SAXO4: variants seen among roughly 807,000 people sequenced by gnomAD.
SAXO4 encodes the protein protein phosphatase 1 regulatory subunit 32.
At chr11:61,490,903 A>C in the SAXO4 span, 1 of 370,464 alleles carries the variant, frequency 2.7e-6, no homozygotes. Context: ...CTACTTTCCT[A>C]ATGAAATAAA....
At chr11:61,486,479 G>A in the SAXO4 span, 10 of 1,611,522 alleles carry the variant, frequency 6.2e-6, no homozygotes, top group East Asian at 2.2e-5. Flanking sequence ...GGTGGTGGGG[G>A]AGGCAGCCAC....
the SAXO4 span, chr11:61,481,803 C>T: frequency 1.3e-6 from 2 of 1,499,844 alleles, no homozygotes; most frequent in East Asian, 5.3e-5. Flanking sequence ...CCCTGCCCCA[C>T]AGCATCATGA....
the SAXO4 span, chr11:61,482,503 C>T: frequency 6.4e-7 from 1 of 1,564,740 alleles, no homozygotes; most frequent in Non-Finnish European, 8.8e-7. Context: ...GATGGGGACC[C>T]TGAGCTTTGC....
the SAXO4 span, chr11:61,481,182 C>G: frequency 3.9e-5 from 6 of 152,212 alleles, no homozygotes; most frequent in Admixed American, 3.3e-4. Context: ...CTTCCTGCAG[C>G]CTCTCCCCGA....
At chr11:61,486,892 C>A in the SAXO4 span, 2 of 1,455,124 alleles carry the variant, frequency 1.4e-6, no homozygotes, top group South Asian at 1.1e-5. Context: ...CTCTCCATCC[C>A]TGCTGCCTCA....
At chr11:61,490,049 CTA>C in the SAXO4 span, 1 of 1,167,554 alleles carries the variant, frequency 8.6e-7, no homozygotes, top group African/African-American at 1.5e-5. Context: ...CGGTTCATTC[CTA>C]TGAGAGGCCC....
the SAXO4 span, among the ~76,000 whole-genome samples, chr11:61,487,470 T>C: frequency 6.6e-6 from 1 of 152,074 alleles, no homozygotes. Context: ...ATAATGAGCA[T>C]GTTACTAGGC....
the SAXO4 span, among the ~76,000 whole-genome samples, chr11:61,487,577 C>T: frequency 3.3e-5 from 5 of 152,186 alleles, no homozygotes; most frequent in African/African-American, 1.2e-4. Context: ...TTTATACCCC[C>T]ACATCCATCG....
chr11:61,482,033 C>T, the SAXO4 span: 7 of 772,390 alleles, frequency 9.1e-6, no homozygotes, highest in Admixed American at 5.6e-5. Context: ...CTGCTGAATC[C>T]GTTTGTCCCC....
chr11:61,485,803 C>A, the SAXO4 span: 6 of 1,613,410 alleles, frequency 3.7e-6, no homozygotes, highest in Admixed American at 5.0e-5. Flanking sequence ...TTGCAGATTT[C>A]TTGCAGAAGA....
At chr11:61,485,313 C>G in the SAXO4 span, 7 of 1,610,990 alleles carry the variant, frequency 4.3e-6, no homozygotes, top group Non-Finnish European at 5.9e-6. Flanking sequence ...TCAGTGCCCC[C>G]ACTCCTCCAA....
chr11:61,484,984 T>C, the SAXO4 span, among the ~76,000 whole-genome samples: 2 of 152,132 alleles, frequency 1.3e-5, no homozygotes, highest in African/African-American at 4.8e-5. Context: ...ATTGGCTATT[T>C]CCAAAATAGC....
At chr11:61,482,479 C>A in the SAXO4 span, 1 of 1,576,380 alleles carries the variant, frequency 6.3e-7, no homozygotes, top group Non-Finnish European at 8.7e-7. Flanking sequence ...ATCAGACCAA[C>A]TCCAGGTTCC....
chr11:61,487,169 C>T, the SAXO4 span: 1 of 1,614,046 alleles, frequency 6.2e-7, no homozygotes, highest in Non-Finnish European at 8.5e-7. Flanking sequence ...TCAGCCTTAA[C>T]AACCCCATGT....
At chr11:61,486,345 C>A in the SAXO4 span, 10 of 1,613,560 alleles carry the variant, frequency 6.2e-6, no homozygotes, top group African/African-American at 1.3e-4. Flanking sequence ...TATTTCCAGG[C>A]CCTCCTCCCA....
the SAXO4 span, chr11:61,487,101 A>T: frequency 6.2e-7 from 1 of 1,611,196 alleles, no homozygotes; most frequent in African/African-American, 1.3e-5. Flanking sequence ...CCAAATCCCC[A>T]CCCCTTCTGA....
the SAXO4 span, chr11:61,484,568 T>A: frequency 7.6e-7 from 1 of 1,319,498 alleles, no homozygotes; most frequent in South Asian, 1.4e-5. Context: ...CAGGTTTCAT[T>A]GTAAAAGGAC....
chr11:61,483,919 G>C, the SAXO4 span, among the ~76,000 whole-genome samples: 1 of 151,542 alleles, frequency 6.6e-6, no homozygotes, highest in Non-Finnish European at 1.5e-5. Context: ...AGATTGCCTG[G>C]GCAATAGAAT....
At chr11:61,486,899 C>T in the SAXO4 span, 3 of 1,514,346 alleles carry the variant, frequency 2.0e-6, no homozygotes, top group Non-Finnish European at 2.8e-6. Context: ...TCCCTGCTGC[C>T]TCAGGCTGGC....
Sources: allele counts gnomAD v4.1 joint callset (sites outside exome capture counted in the v4.1 genomes callset), GRCh38; gene constraint gnomAD v4.1.1; transcripts MANE v1.5; gene names NCBI Gene and HGNC (gene_info 2026-07-23, HGNC 2026-07-21).